The following ABLIM2 variants were observed in gnomAD, a reference collection of about 807,000 sequenced individuals.
ABLIM2 encodes actin-binding LIM protein 2.
Under a neutral mutation model 97.7 loss-of-function variants are expected in ABLIM2, and 53 were observed. That is an observed-to-expected ratio of 0.54 (90% confidence interval 0.44 to 0.68). ABLIM2 has a LOEUF of 0.68. ABLIM2 is among the 30% of genes least tolerant of loss of function. The pLI is 0.00. For missense variants in ABLIM2, 835 were observed against 867.2 expected, an observed-to-expected ratio of 0.96 and a Z score of 0.47; for synonymous variants, 361 against 345.8, an observed-to-expected ratio of 1.04 and a Z score of -0.49.
At position 8,067,887 on chromosome 4, in the gene ABLIM2, C is replaced by T. The variant is rs1041257911; in HGVS notation, c.676-6833G>A. 6.6e-6 allele frequency among the ~76,000 whole-genome samples: 1 copy of T among 152,174 alleles called. No homozygotes were observed. The highest frequency in any genetic ancestry group is 1.5e-5 in the Non-Finnish European group (1 of 68,024). ...CTCAGGCTGGGGTAGTATAACCGGG[C>T]TCTGTGATTCCAGAGGACATTTAGC... On this transcript the variant is annotated intron_variant, in intron 6 of 20. Transcript: ENST00000447017. This position sits in a 1 kb window ranked among gnomAD's most constrained non-coding sequence, Gnocchi z 5.4.
At chr4:8,030,176 G>A (rs1046077512) in intron 10 of ABLIM2, among the ~76,000 whole-genome samples, 5 of 152,176 alleles carry the variant, frequency 3.3e-5, no homozygotes, top group Non-Finnish European at 5.9e-5. Flanking sequence ...GGTTTCTCAC[G>A]TGTGAACTGG....
intron 1 of ABLIM2, among the ~76,000 whole-genome samples, chr4:8,133,774 G>T (rs1208182087): frequency 6.6e-6 from 1 of 152,174 alleles, no homozygotes; most frequent in African/African-American, 2.4e-5. Context: ...GCGATTCCCA[G>T]AGCCCCCTGA....
rs933113400 is a variant in ABLIM2, at chr4:8,148,604, C to A, written c.10+10076G>T. 9.6e-6 allele frequency among the ~76,000 whole-genome samples: 1 copy of A among 103,694 alleles called. No homozygotes were observed. Among genetic ancestry groups the A allele is most frequent in the African/African-American group, 4.7e-5 (1 of 21,342 alleles). The allele number at this position is 103,694 out of a possible 152,430, so 68.0% of individuals were successfully genotyped here. On this transcript the variant is annotated intron_variant, in intron 1 of 20. Coordinates refer to ENST00000447017, the MANE Select transcript of ABLIM2 (RefSeq NM_001130083.2). The surrounding 1 kb of genome is among the most constrained non-coding windows in gnomAD (Gnocchi z 6.7). ...AGGATTATAGGGTGAAAGCACATCG[C>A]GGTGCTGGGTCCACACTGGGGAAGC...
At chr4:8,070,024 G>A (rs1240971674) in intron 6 of ABLIM2, among the ~76,000 whole-genome samples, 1 of 152,052 alleles carries the variant, frequency 6.6e-6, no homozygotes, top group Non-Finnish European at 1.5e-5. Flanking sequence ...GTGTTTGTGT[G>A]TGTCTATGTG....
Position 8,071,693 on chromosome 4 carries a change from A to ACCCCC in ABLIM2, c.675+5934_675+5935insGGGGG. On this transcript the variant is annotated intron_variant, in intron 6 of 20. Transcript: ENST00000447017. This position sits in a 1 kb window ranked among gnomAD's most constrained non-coding sequence, Gnocchi z 6.2. ...ACACCTGACTGCTCTGTCCCCAAAA[A>ACCCCC]CCCACCCACCCGCAGCCCCTCCTGG... is the stretch of plus-strand genomic sequence containing the variant. The ACCCCC allele has an allele frequency of 1.2e-6, 1 of 819,832 alleles. No individual in the cohort carries two copies. Among genetic ancestry groups the ACCCCC allele is most frequent in the Non-Finnish European group, 1.5e-6 (1 of 679,294 alleles). 50.8% of individuals were successfully genotyped at this position (819,832 alleles called of 1,614,324 possible).
Position 8,130,498 on chromosome 4 carries a change from T to G in ABLIM2, c.11-23861A>C, listed in dbSNP as rs1849209209. ...CACTGATCTGGGCCTTTCCACAGCTTTTTAGAATATCAAGTTGTCTAAGCT... is the reference window on the plus strand; with the variant it reads ...CACTGATCTGGGCCTTTCCACAGCTGTTTAGAATATCAAGTTGTCTAAGCT... On this transcript the variant is annotated intron_variant, in intron 1 of 20. Transcript: ENST00000447017. This position sits in a 1 kb window ranked among gnomAD's most constrained non-coding sequence, Gnocchi z 4.2. Among the ~76,000 whole-genome samples the G allele has an allele frequency of 6.6e-6, 1 of 151,948 alleles. No individual in the cohort carries two copies.
At chr4:8,101,548 T>C (rs964543974) in intron 2 of ABLIM2, among the ~76,000 whole-genome samples, 23 of 152,246 alleles carry the variant, frequency 1.5e-4, no homozygotes, top group African/African-American at 5.3e-4. Context: ...TAGTCCCAGA[T>C]GGATGCATCC....
chr4:8,032,225 C>T lies in ABLIM2; in HGVS notation c.1048-2449G>A, dbSNP rs1781421455. Reference sequence around the variant, plus strand: ...GAAAAAAAAAAAAAAAACTAGACCACTAACAGTAAAAGCTCTTTTGTAGAG... The same window carrying T: ...GAAAAAAAAAAAAAAAACTAGACCATTAACAGTAAAAGCTCTTTTGTAGAG... On this transcript the variant is annotated intron_variant, in intron 10 of 20. Coordinates refer to ENST00000447017, the MANE Select transcript of ABLIM2 (RefSeq NM_001130083.2). The surrounding 1 kb of genome is among the most constrained non-coding windows in gnomAD (Gnocchi z 4.3). Among the ~76,000 whole-genome samples, 1 of 150,988 alleles carries T rather than the reference C, an allele frequency of 6.6e-6. No individual in the cohort carries two copies. The highest frequency in any genetic ancestry group is 6.6e-5 in the Admixed American group (1 of 15,150).
chr4:8,043,914 C>T lies in ABLIM2; in HGVS notation c.900+1250G>A, dbSNP rs998041650. On this transcript the variant is annotated intron_variant, in intron 9 of 20. Coordinates refer to ENST00000447017, the MANE Select transcript of ABLIM2 (RefSeq NM_001130083.2). This position sits in a 1 kb window ranked among gnomAD's most constrained non-coding sequence, Gnocchi z 4.8. The stretch of plus-strand genomic sequence containing the variant: ...CAGAGGCTCCAGGCGGGCGGCACCT[C>T]GCCCAGGGCATGCAGCCAACCTGGT... Among the ~76,000 whole-genome samples, 110 of 152,176 alleles carry T rather than the reference C, an allele frequency of 7.2e-4. No homozygotes were observed. The highest frequency in any genetic ancestry group is 2.4e-3 in the African/African-American group (100 of 41,530).
chr4:7,992,809 T>C lies in ABLIM2; in HGVS notation c.1680+57A>G. 2 of 1,573,088 alleles carry C rather than the reference T, an allele frequency of 1.3e-6. No individual in the cohort carries two copies. Among genetic ancestry groups the C allele is most frequent in the Non-Finnish European group, 8.7e-7 (1 of 1,150,574 alleles). ...TGTGGTCAAGAAGCTGTGGGAAACGTGCTCAGCCTCACAGCAATCGTTAGT... is the reference window on the plus strand; with the variant it reads ...TGTGGTCAAGAAGCTGTGGGAAACGCGCTCAGCCTCACAGCAATCGTTAGT... On this transcript the variant is annotated intron_variant, in intron 17 of 20. Transcript: ENST00000447017. The surrounding 1 kb of genome is among the most constrained non-coding windows in gnomAD (Gnocchi z 5.7).
intron 20 of ABLIM2, 130 bp from the exon 21 acceptor site, chr4:7,967,233 C>A: frequency 2.7e-6 from 2 of 754,258 alleles, no homozygotes; most frequent in South Asian, 1.6e-5. Flanking sequence ...TCAGCGTGCT[C>A]GGCCTCCTGG....
At chr4:8,049,760 A>G (rs1794798643) in intron 8 of ABLIM2, among the ~76,000 whole-genome samples, 2 of 151,914 alleles carry the variant, frequency 1.3e-5, no homozygotes, top group East Asian at 3.9e-4. Flanking sequence ...ACAGGGTCTC[A>G]CTCTGTTGCC....
chr4:8,114,312 C>T (rs1344073164), intron 1 of ABLIM2, among the ~76,000 whole-genome samples: 1 of 152,226 alleles, frequency 6.6e-6, no homozygotes, highest in Admixed American at 6.5e-5. Flanking sequence ...CCCTGGGGCA[C>T]AGGGCTTTCT....
rs1744108278 is a variant in ABLIM2 at position 7,986,369 on chromosome 4, A to C, written c.1681-1476T>G. Among the ~76,000 whole-genome samples the C allele has an allele frequency of 6.6e-6, 1 of 152,222 alleles. No homozygotes were observed. The highest frequency in any genetic ancestry group is 2.4e-5 in the African/African-American group (1 of 41,458). ...ACAGGAAAACCGAGGCCCCGAGGGA[A>C]GCTGGACCTTCTTCCTGATGCAGAG... On this transcript the variant is annotated intron_variant, in intron 17 of 20. Coordinates refer to ENST00000447017, the MANE Select transcript of ABLIM2 (RefSeq NM_001130083.2). The surrounding 1 kb of genome is among the most constrained non-coding windows in gnomAD (Gnocchi z 4.3).
chr4:8,015,433 G>A lies in ABLIM2; in HGVS notation c.1423+4185C>T, dbSNP rs1320063232. On this transcript the variant is annotated intron_variant, in intron 14 of 20. Transcript: ENST00000447017. The surrounding 1 kb of genome is among the most constrained non-coding windows in gnomAD (Gnocchi z 4.6). ...CAGTGCAATCCGCACTCTGGACACA[G>A]CCTGCCGTTCCTCCCCATCCCGCCG... Among the ~76,000 whole-genome samples, 1 of 152,006 alleles carries A rather than the reference G, an allele frequency of 6.6e-6. No homozygotes were observed. The highest frequency in any genetic ancestry group is 1.5e-5 in the Non-Finnish European group (1 of 67,978).
At chr4:8,088,609 G>T (rs553925911) in intron 3 of ABLIM2, among the ~76,000 whole-genome samples, 2 of 152,214 alleles carry the variant, frequency 1.3e-5, no homozygotes, top group African/African-American at 2.4e-5. Context: ...CTGGGCCACC[G>T]GCCCCTCCAG....
In ABLIM2 at chr4:8,010,410, C is replaced by T. The variant is rs150861999; in HGVS notation, c.1424-1308G>A. The T allele has an allele frequency of 4.2e-5, 41 of 985,906 alleles. No individual in the cohort carries two copies. In the African/African-American group the frequency reaches 5.8e-4, roughly 14 times the overall value. The allele number at this position is 985,906 out of a possible 1,614,324, so 61.1% of individuals were successfully genotyped here. A position where few individuals can be genotyped will look rare whatever the true frequency, so the allele number is the denominator to read the frequency against. Reference sequence around the variant, plus strand: ...GAAGACCCAGGCCTCAGGAAGGACACGCCGAGGTGGGCTTCTTACCTGCAG... The same window carrying T: ...GAAGACCCAGGCCTCAGGAAGGACATGCCGAGGTGGGCTTCTTACCTGCAG... On this transcript the variant is annotated intron_variant, in intron 14 of 20. Coordinates refer to ENST00000447017, the MANE Select transcript of ABLIM2 (RefSeq NM_001130083.2).
chr4:7,978,413 C>T (rs964214250), intron 20 of ABLIM2, among the ~76,000 whole-genome samples: 1 of 152,160 alleles, frequency 6.6e-6, no homozygotes, highest in African/African-American at 2.4e-5. Context: ...CAAATGTTAA[C>T]CACTTGTATT....
At position 8,124,329 on chromosome 4, in the gene ABLIM2, T is replaced by C. The variant is rs1304993281; in HGVS notation, c.11-17692A>G. ...AATGCACACTCAATGGCTTTTGGTA[T>C]TTCACAGAGCTGCGTGCTGATCACC... On this transcript the variant is annotated intron_variant, in intron 1 of 20. Transcript: ENST00000447017. The surrounding 1 kb of genome is among the most constrained non-coding windows in gnomAD (Gnocchi z 6.1). 6.6e-6 allele frequency among the ~76,000 whole-genome samples: 1 copy of C among 152,208 alleles called. No individual in the cohort carries two copies. Among genetic ancestry groups the C allele is most frequent in the African/African-American group, 2.4e-5 (1 of 41,458 alleles).
Sources: allele counts gnomAD v4.1 joint callset (sites outside exome capture counted in the v4.1 genomes callset), GRCh38; gene constraint gnomAD v4.1.1; non-coding constraint Gnocchi (gnomAD v3.1); transcripts MANE v1.5; gene names NCBI Gene and HGNC (gene_info 2026-07-23, HGNC 2026-07-21).